PCDHA11: variants seen among roughly 807,000 people sequenced by gnomAD.
PCDHA11 encodes protocadherin alpha 11.
A neutral mutation model predicts 70.3 loss-of-function variants in PCDHA11; 61 were observed. The ratio of observed to expected loss-of-function variants is 0.87; its 90% CI spans 0.71 to 1.07. The LOEUF is 1.07. PCDHA11 is among the 50% of genes least tolerant of loss of function. PCDHA11 has a pLI of 0.00. For missense variants in PCDHA11, 1,324 were observed against 1,237.5 expected (o/e 1.07, Z -1.05); for synonymous variants, 633 against 555.1 (o/e 1.14, Z -1.97).
Position 140,876,997 on chromosome 5 carries a change from T to G in PCDHA11, c.2391+5503T>G, listed in dbSNP as rs1024280391. 6.8e-6 allele frequency: 11 copies of G among 1,612,358 alleles called. No homozygotes were observed. The African/African-American group carries it at 1.1e-4, about 16-fold the overall frequency. On this transcript the variant is annotated intron_variant, in intron 1 of 3. Transcript: ENST00000398640. ...CGAGCACGCACTGTCGAGCTACGTG[T>G]CGGTGCACGCGGAGAGCGGCAAGGT...
chr5:140,971,568 G>C (rs2096486593), intron 1 of PCDHA11, among the ~76,000 whole-genome samples: 1 of 152,074 alleles, frequency 6.6e-6, no homozygotes, highest in African/African-American at 2.4e-5. Flanking sequence ...CCCATGTTGG[G>C]CTTTCTTTTT....
chr5:140,870,355 T>C lies in PCDHA11; in HGVS notation c.1252T>C (p.Trp418Arg). 4.3e-6 allele frequency: 7 copies of C among 1,614,110 alleles called. No homozygotes were observed. Among genetic ancestry groups the C allele is most frequent in the Non-Finnish European group, 5.9e-6 (7 of 1,180,014 alleles). Reference protein sequence around the residue: ...LDSALDRENVWAYELVVTARD... With the variant: ...LDSALDRENVRAYELVVTARD... ...CAGCGCCCTGGACCGCGAGAACGTGTGGGCCTATGAACTGGTGGTGACTGC... is the reference window on the plus strand; with the variant it reads ...CAGCGCCCTGGACCGCGAGAACGTGCGGGCCTATGAACTGGTGGTGACTGC... Residue 418 changes from tryptophan (W) to arginine (R), a missense_variant, in exon 1 of 4, where the codon TGG becomes CGG. Trp to Arg is a moderately radical substitution (Grantham distance 101). Coordinates refer to ENST00000398640, the MANE Select transcript of PCDHA11 (RefSeq NM_018902.5).
chr5:140,966,514 A>G (rs2096013065), intron 1 of PCDHA11: 1 of 434,820 alleles, frequency 2.3e-6, no homozygotes, highest in Non-Finnish European at 4.0e-6. Flanking sequence ...CAGCAGCAGC[A>G]GGAAGCCGAG....
chr5:140,910,580 C>T (rs1384259049), intron 1 of PCDHA11, among the ~76,000 whole-genome samples: 1 of 152,162 alleles, frequency 6.6e-6, no homozygotes, highest in Non-Finnish European at 1.5e-5. Flanking sequence ...CTGGATCCTC[C>T]CAGCTGGGAT....
At chr5:140,912,178 G>A (rs2153520957) in intron 1 of PCDHA11, among the ~76,000 whole-genome samples, 1 of 152,266 alleles carries the variant, frequency 6.6e-6, no homozygotes, top group South Asian at 2.1e-4. Flanking sequence ...GCTGGCAGCT[G>A]ATTAGATTGT....
chr5:140,969,680 G>A (rs2096353475), intron 1 of PCDHA11, among the ~76,000 whole-genome samples: 1 of 152,204 alleles, frequency 6.6e-6, no homozygotes, highest in African/African-American at 2.4e-5. Context: ...TGAGACTCAA[G>A]GAGAAATGGC....
At chr5:140,995,452 G>C (rs1400573812) in intron 3 of PCDHA11, among the ~76,000 whole-genome samples, 1 of 152,098 alleles carries the variant, frequency 6.6e-6, no homozygotes, top group African/African-American at 2.4e-5. Context: ...CTTATGAATT[G>C]TTTATTTTTG....
chr5:140,875,591 A>C, intron 1 of PCDHA11: 2 of 1,613,998 alleles, frequency 1.2e-6, no homozygotes, highest in Non-Finnish European at 1.7e-6. Context: ...GAGGAGGCCA[A>C]ACACGGCACC....
Position 140,875,940 on chromosome 5 carries a change from C to T in PCDHA11, c.2391+4446C>T, listed in dbSNP as rs782320801. ...TGGACTCTCATTTTCCTCTAGAGGG[C>T]GCTTCTGATGCGGATATCGGCGTAA... On this transcript the variant is annotated intron_variant, in intron 1 of 3. Transcript: ENST00000398640. 5.0e-6 allele frequency: 8 copies of T among 1,613,964 alleles called. No individual in the cohort carries two copies. In the South Asian group the frequency reaches 6.6e-5, roughly 13 times the overall value.
chr5:140,951,220 C>G (rs1554219798), intron 1 of PCDHA11, among the ~76,000 whole-genome samples: 1 of 151,926 alleles, frequency 6.6e-6, no homozygotes, highest in Non-Finnish European at 1.5e-5. Context: ...GGTTTGGATT[C>G]TTGATGGTCT....
intron 1 of PCDHA11, among the ~76,000 whole-genome samples, chr5:140,904,545 C>A (rs2071206893): frequency 6.6e-6 from 1 of 151,876 alleles, no homozygotes; most frequent in Admixed American, 6.6e-5. Context: ...GTATCTTTTT[C>A]ATATAATGAC....
At chr5:140,968,519 A>C (rs1030847582) in intron 1 of PCDHA11, 1 of 1,614,008 alleles carries the variant, frequency 6.2e-7, no homozygotes, top group African/African-American at 1.3e-5. Flanking sequence ...CCCTACCTCA[A>C]CCAACTCGTC....
At chr5:140,883,830 A>G in intron 1 of PCDHA11, 5 of 1,612,532 alleles carry the variant, frequency 3.1e-6, no homozygotes, top group Non-Finnish European at 4.2e-6. Context: ...TACGCGCTGC[A>G]GCCGTTGGAC....
At chr5:140,883,080 A>T in intron 1 of PCDHA11, 1 of 1,614,140 alleles carries the variant, frequency 6.2e-7, no homozygotes, top group Non-Finnish European at 8.5e-7. Flanking sequence ...GATCCTGATG[A>T]TGGTACAAAT....
rs782610584 is a variant in PCDHA11 at position 140,883,582 on chromosome 5, G to C, written c.2391+12088G>C. 38 of 1,613,902 alleles carry C rather than the reference G, an allele frequency of 2.4e-5. No homozygotes were observed. The African/African-American group carries it at 3.7e-4, about 16-fold the overall frequency. ...GGGGCTCGCCTTCGCTGTGGGCCAC[G>C]GCCAGCGTGTCGGTGGGGGTGGCCG... is the stretch of plus-strand genomic sequence containing the variant. On this transcript the variant is annotated intron_variant, in intron 1 of 3. Transcript: ENST00000398640.
chr5:140,961,025 C>G (rs1283958205), intron 1 of PCDHA11, among the ~76,000 whole-genome samples: 1 of 152,150 alleles, frequency 6.6e-6, no homozygotes, highest in African/African-American at 2.4e-5. Context: ...CACTTGCTAC[C>G]TCCTTGTTTT....
chr5:140,927,409 A>G lies in PCDHA11; in HGVS notation c.2392-51540A>G. The G allele has an allele frequency of 4.3e-6, 7 of 1,614,120 alleles. No individual in the cohort carries two copies. Among genetic ancestry groups the G allele is most frequent in the Non-Finnish European group, 5.9e-6 (7 of 1,179,964 alleles). On this transcript the variant is annotated intron_variant, in intron 1 of 3. Coordinates refer to ENST00000398640, the MANE Select transcript of PCDHA11 (RefSeq NM_018902.5). ...CCCCAGTCAGCACTTTCGCCTGGAC[A>G]TGGGATCGCGGGTTGACGGCAGCGA...
At chr5:140,964,954 G>A (rs140288048) in intron 1 of PCDHA11, among the ~76,000 whole-genome samples, 6 of 152,316 alleles carry the variant, frequency 3.9e-5, no homozygotes, top group Non-Finnish European at 7.4e-5. Flanking sequence ...AGTGTGCTTG[G>A]TTGGTGGAAC....
intron 1 of PCDHA11, chr5:140,969,448 G>C (rs781843317): frequency 2.0e-6 from 3 of 1,537,944 alleles, no homozygotes; most frequent in Non-Finnish European, 2.6e-6. Flanking sequence ...CTGGTAAACT[G>C]AGTATATATA....
Sources: gnomAD v4.1 joint callset for allele counts (sites outside exome capture counted in the v4.1 genomes callset) on GRCh38, gnomAD v4.1.1 for gene constraint, MANE v1.5 for transcripts, NCBI Gene and HGNC (gene_info 2026-07-23, HGNC 2026-07-21) for gene names.